NEK7: variants seen among roughly 807,000 people sequenced by gnomAD.
NEK7 encodes the protein serine/threonine-protein kinase Nek7.
Under a neutral mutation model 44.6 loss-of-function variants are expected in NEK7, and 18 were observed. The ratio of observed to expected loss-of-function variants is 0.40; its 90% CI spans 0.28 to 0.60. The LOEUF (loss-of-function observed/expected upper bound fraction) is 0.60, where lower values mean the gene tolerates loss of function less well. Ranked by LOEUF, NEK7 falls within the 20% of genes least tolerant of loss-of-function variation. The pLI is 0.38. For missense variants in NEK7, 256 were observed against 366.5 expected (o/e 0.70, Z 2.46); for synonymous variants, 130 against 121.1 (o/e 1.07, Z -0.48).
chr1:198,201,345 G>A (rs1223069245), intron 1 of NEK7, among the ~76,000 whole-genome samples: 1 of 152,114 alleles, frequency 6.6e-6, no homozygotes, highest in South Asian at 2.1e-4. Context: ...CATTTGAAAA[G>A]CCAGGAGTAT....
At chr1:198,219,581 ATGAAAAACTACTTTT>A (rs1020104548) in intron 1 of NEK7, among the ~76,000 whole-genome samples, 7 of 151,808 alleles carry the variant, frequency 4.6e-5, no homozygotes, top group African/African-American at 1.7e-4. Context: ...GATGTGAGGG[ATGAAAAACTACTTTT>A]TGGGTACAGT....
intron 8 of NEK7, among the ~76,000 whole-genome samples, chr1:198,295,364 C>G (rs1654683346): frequency 6.6e-6 from 1 of 152,054 alleles, no homozygotes; most frequent in Admixed American, 6.6e-5. Flanking sequence ...TCAGGAAAGT[C>G]AGACCCTGGA....
chr1:198,164,637 G>A (rs1294538822), intron 1 of NEK7, among the ~76,000 whole-genome samples: 11 of 152,050 alleles, frequency 7.2e-5, no homozygotes, highest in Admixed American at 7.2e-4. Flanking sequence ...ATATTTTATT[G>A]CCAAAAAATG....
At chr1:198,256,564 T>C (rs1205260156) in intron 3 of NEK7, 137 of 1,424,312 alleles carry the variant, frequency 9.6e-5, no homozygotes, top group African/African-American at 1.4e-5. Context: ...CTTGCCTCCT[T>C]CTTCAGTGCT....
chr1:198,214,001 G>A (rs370241986), intron 1 of NEK7, among the ~76,000 whole-genome samples: 1 of 152,166 alleles, frequency 6.6e-6, no homozygotes, highest in African/African-American at 2.4e-5. Context: ...ACAGGAGTCA[G>A]TGAATCTGCT....
intron 3 of NEK7, among the ~76,000 whole-genome samples, chr1:198,255,498 GAAGA>G (rs1205830177): frequency 6.6e-6 from 1 of 152,152 alleles, no homozygotes; most frequent in East Asian, 1.9e-4. Context: ...AGAAAGAAGG[GAAGA>G]AAGAAAGAAT....
intron 1 of NEK7, among the ~76,000 whole-genome samples, chr1:198,221,329 T>C (rs1666072864): frequency 6.6e-6 from 1 of 151,890 alleles, no homozygotes; most frequent in Non-Finnish European, 1.5e-5. Context: ...AAAAGTTGAG[T>C]TTGAAAGATT....
Position 198,291,069 on chromosome 1 carries a change from T to G in NEK7, c.590-1876T>G, listed in dbSNP as rs562555440. On this transcript the variant is annotated intron_variant, in intron 7 of 9. Transcript: ENST00000367385. ...GCTAATCTCTGTAAAATGCTAGCAT[T>G]TGTTCTTCTTTTTCCTTATCATCAA... 1.3e-5 allele frequency among the ~76,000 whole-genome samples: 2 copies of G among 152,270 alleles called. 1 individual carries two copies. The highest frequency in any genetic ancestry group is 4.1e-4 in the South Asian group (2 of 4,824).
At chr1:198,176,962 A>T (rs539335505) in intron 1 of NEK7, among the ~76,000 whole-genome samples, 1 of 152,256 alleles carries the variant, frequency 6.6e-6, no homozygotes, top group African/African-American at 2.4e-5. Context: ...CTGGAGCTAC[A>T]GGTTTATAAA....
intron 3 of NEK7, among the ~76,000 whole-genome samples, chr1:198,257,017 G>A (rs1026674077): frequency 3.3e-5 from 5 of 151,990 alleles, no homozygotes; most frequent in African/African-American, 1.2e-4. Context: ...TTTGACCATT[G>A]TACTCTCATT....
chr1:198,279,121 A>G, intron 7 of NEK7, 60 bp downstream of exon 7: 1 of 1,018,216 alleles, frequency 9.8e-7, no homozygotes, highest in Non-Finnish European at 1.5e-6. Context: ...AAAAGATAAG[A>G]GGTATACCAA....
At chr1:198,209,088 TAC>T (rs1290364130) in intron 1 of NEK7, among the ~76,000 whole-genome samples, 3 of 142,100 alleles carry the variant, frequency 2.1e-5, no homozygotes, top group African/African-American at 2.6e-5. Flanking sequence ...TATGTATATA[TAC>T]ACACATATGT....
At chr1:198,225,502 C>T (rs1331238235) in intron 1 of NEK7, among the ~76,000 whole-genome samples, 1 of 152,110 alleles carries the variant, frequency 6.6e-6, no homozygotes, top group Admixed American at 6.6e-5. Flanking sequence ...CCCCTCTGTC[C>T]TATTGCTAAA....
rs530782650 is a variant in NEK7, at chr1:198,247,149, T to A, written c.58-5891T>A. On this transcript the variant is annotated intron_variant, in intron 2 of 9. Transcript: ENST00000367385. ...CTATGAAAAGAAATCCATTTACAAA[T>A]GAACATCATGGCAAGTTATCTCCCT... Among the ~76,000 whole-genome samples, 9 of 152,362 alleles carry A rather than the reference T, an allele frequency of 5.9e-5. No homozygotes were observed. In the East Asian group the frequency reaches 1.7e-3, roughly 29 times the overall value.
At chr1:198,169,983 T>G (rs1571498094) in intron 1 of NEK7, among the ~76,000 whole-genome samples, 1 of 152,152 alleles carries the variant, frequency 6.6e-6, no homozygotes, top group Non-Finnish European at 1.5e-5. Flanking sequence ...TCTAGGCAGG[T>G]CCTAGCAGTA....
chr1:198,260,953 A>G (rs1653442830), intron 3 of NEK7, among the ~76,000 whole-genome samples: 1 of 152,048 alleles, frequency 6.6e-6, no homozygotes, highest in African/African-American at 2.4e-5. Context: ...TAATATCTTC[A>G]TATGGTTTTT....
At chr1:198,168,257 G>T (rs1188286331) in intron 1 of NEK7, among the ~76,000 whole-genome samples, 1 of 152,208 alleles carries the variant, frequency 6.6e-6, no homozygotes, top group Non-Finnish European at 1.5e-5. Context: ...TGGCCTAGGG[G>T]AGAGTGATTT....
chr1:198,274,720 A>G (rs1049711731), intron 5 of NEK7, among the ~76,000 whole-genome samples: 1 of 151,740 alleles, frequency 6.6e-6, no homozygotes, highest in Non-Finnish European at 1.5e-5. Flanking sequence ...TGCAGGAACC[A>G]AGTTACTCAA....
At chr1:198,237,459 G>A (rs1238348156) in intron 2 of NEK7, among the ~76,000 whole-genome samples, 1 of 152,018 alleles carries the variant, frequency 6.6e-6, no homozygotes, top group Non-Finnish European at 1.5e-5. Flanking sequence ...CTTCTCAGTG[G>A]CAAGTCTATC....
Sources: allele counts gnomAD v4.1 joint callset (sites outside exome capture counted in the v4.1 genomes callset), GRCh38; gene constraint gnomAD v4.1.1; transcripts MANE v1.5; gene names NCBI Gene and HGNC (gene_info 2026-07-23, HGNC 2026-07-21).